KMT2C: variants seen among roughly 807,000 people sequenced by gnomAD.
KMT2C encodes the protein histone-lysine N-methyltransferase 2C.
In KMT2C, 88 loss-of-function variants were observed where a neutral mutation model predicts 507.9. That is an observed-to-expected ratio of 0.17 (90% CI 0.15 to 0.21). The LOEUF (loss-of-function observed/expected upper bound fraction) is 0.21. Ranked by LOEUF, KMT2C falls within the 10% of genes least tolerant of loss-of-function variation. The pLI is 1.00. For synonymous variants in KMT2C, 2,049 were observed against 2,080.8 expected (o/e 0.98, Z 0.42); for missense variants, 4,954 against 5,957.8 (o/e 0.83, Z 5.55).
intron 1 of KMT2C, among the ~76,000 whole-genome samples, chr7:152,389,883 A>C (rs543326487): frequency 6.6e-6 from 1 of 152,234 alleles, no homozygotes; most frequent in Non-Finnish European, 1.5e-5. Flanking sequence ...GAATGGAATC[A>C]TGTCCTTCGC....
intron 2 of KMT2C, among the ~76,000 whole-genome samples, chr7:152,338,639 G>C (rs943472103): frequency 1.3e-5 from 2 of 152,078 alleles, no homozygotes; most frequent in African/African-American, 4.8e-5. Flanking sequence ...AAAAGATAAG[G>C]AAACTAAAAT....
chr7:152,175,728 G>A (rs537094834), intron 38 of KMT2C, among the ~76,000 whole-genome samples: 1 of 152,274 alleles, frequency 6.6e-6, no homozygotes, highest in East Asian at 1.9e-4. Context: ...ACTGTGCCCA[G>A]CCAACTGCTT....
rs371660708 is a variant in KMT2C, at chr7:152,311,763, T to A, written c.739+35A>T. The A allele has an allele frequency of 2.3e-5, 35 of 1,492,276 alleles. No homozygotes were observed. The African/African-American group carries it at 3.5e-4, about 15-fold the overall frequency. The allele number at this position is 1,492,276 out of a possible 1,614,324, so 92.4% of individuals were successfully genotyped here. On this transcript the variant is annotated intron_variant, in intron 5 of 58. Coordinates refer to ENST00000262189, the MANE Select transcript of KMT2C (RefSeq NM_170606.3). ...TATTAAAATTAAAATGCTTCCAGAA[T>A]TAAGAGGCAGTCATTATTGAAAACA...
chr7:152,209,005 C>T (rs1356656659), intron 23 of KMT2C, among the ~76,000 whole-genome samples: 1 of 151,248 alleles, frequency 6.6e-6, no homozygotes, highest in Non-Finnish European at 1.5e-5. Flanking sequence ...ACTAAAAATA[C>T]AAAATTATCT....
chr7:152,416,692 C>T (rs1340245164), intron 1 of KMT2C, among the ~76,000 whole-genome samples: 1 of 150,432 alleles, frequency 6.6e-6, no homozygotes, highest in Admixed American at 6.6e-5. Flanking sequence ...CCACTGCACT[C>T]CAGCCTGGGT....
intron 40 of KMT2C, among the ~76,000 whole-genome samples, chr7:152,170,828 A>G (rs1406989318): frequency 6.6e-6 from 1 of 152,140 alleles, no homozygotes; most frequent in Non-Finnish European, 1.5e-5. Flanking sequence ...GAAGTTTTAC[A>G]TTTTAAATAT....
At chr7:152,335,879 A>G (rs534928046) in intron 2 of KMT2C, among the ~76,000 whole-genome samples, 34 of 152,140 alleles carry the variant, frequency 2.2e-4, no homozygotes, top group Non-Finnish European at 4.4e-4. Context: ...CTGCATTTCA[A>G]AGAGAAAAAA....
At chr7:152,150,337 G>A (rs761193330) in intron 51 of KMT2C, among the ~76,000 whole-genome samples, 10 of 152,062 alleles carry the variant, frequency 6.6e-5, no homozygotes, top group African/African-American at 2.2e-4. Context: ...AGATATTTAC[G>A]GCCGGGCGCA....
At chr7:152,141,567 G>A (rs2090548563) in intron 55 of KMT2C, among the ~76,000 whole-genome samples, 1 of 150,386 alleles carries the variant, frequency 6.6e-6, no homozygotes, top group Admixed American at 6.6e-5. Flanking sequence ...AAAAAAATTA[G>A]CCGGGCATGG....
rs760321633 is a variant in KMT2C, at chr7:152,159,022, C to T, written c.11511G>A (p.Leu3837=). 8 of 1,614,216 alleles carry T rather than the reference C, an allele frequency of 5.0e-6. 1 individual carries two copies. In the South Asian group the frequency reaches 8.8e-5, roughly 18 times the overall value. Residue 3837 remains leucine (L), a synonymous_variant, in exon 44 of 59, where the codon TTG becomes TTA. Coordinates refer to ENST00000262189, the MANE Select transcript of KMT2C (RefSeq NM_170606.3). ...TTTCACTTCCTCCATCTGTTTTTGG[C>T]AACTGGTTGCCACATCCAAAACCAC... ...MQGGFGCGNQ[L]PKTDGGSETK... is the part of the protein sequence containing the mutation.
At chr7:152,336,281 TC>T (rs1182882059) in intron 2 of KMT2C, among the ~76,000 whole-genome samples, 1 of 152,192 alleles carries the variant, frequency 6.6e-6, no homozygotes, top group Non-Finnish European at 1.5e-5. Flanking sequence ...CTGTCACTCT[TC>T]ATTTGGTAGA....
At chr7:152,261,575 T>C (rs2095778425) in intron 9 of KMT2C, among the ~76,000 whole-genome samples, 1 of 152,124 alleles carries the variant, frequency 6.6e-6, no homozygotes. Flanking sequence ...TTAACATACT[T>C]CAGCACAACT....
At chr7:152,319,806 G>A (rs1163125017) in intron 3 of KMT2C, among the ~76,000 whole-genome samples, 1 of 152,072 alleles carries the variant, frequency 6.6e-6, no homozygotes, top group Non-Finnish European at 1.5e-5. Context: ...CAGAAATAAT[G>A]GCATAAGCTC....
chr7:152,298,380 A>T (rs575896865), intron 6 of KMT2C, among the ~76,000 whole-genome samples: 25 of 152,312 alleles, frequency 1.6e-4, no homozygotes, highest in Non-Finnish European at 3.4e-4. Flanking sequence ...AAAATCAGGG[A>T]TATATTATTA....
rs2097171947 is a variant in KMT2C at position 152,358,680 on chromosome 7, A to AG, written c.162-6dup. The AG allele has an allele frequency of 1.9e-6, 3 of 1,555,494 alleles. No homozygotes were observed. The African/African-American group carries it at 4.1e-5, about 21-fold the overall frequency. On this transcript the variant is annotated splice_region_variant and splice_polypyrimidine_tract_variant and intron_variant, in intron 1 of 58. Transcript: ENST00000262189. The stretch of plus-strand genomic sequence containing the variant: ...GTTTTCCCCCTACTTCGAGGTCTAC[A>AG]GAAAAAAAAAAAAATAATAAGTACA...
rs1266143858 is a variant in KMT2C at position 152,163,291 on chromosome 7, A to G, written c.10286T>C (p.Met3429Thr). ...CACCATACCATGCTGCTCCATTTCC[A>G]TCCTCTGCTGCAAAGCTCTTTGTCT... Reference protein sequence around the residue: ...VDRQRALQQRMEMEQHGMVGS... With the variant: ...VDRQRALQQRTEMEQHGMVGS... The change falls in exon 43 of 59, where the codon ATG becomes ACG. Residue 3429 changes from methionine to threonine, a missense_variant. Physicochemically the swap from Met to Thr is moderately conservative, Grantham distance 81. This residue lies in a region of KMT2C where 801 missense variants were observed against 751.2 expected (regional missense o/e 1.07). Transcript: ENST00000262189. 3 of 1,613,960 alleles carry G rather than the reference A, an allele frequency of 1.9e-6. No homozygotes were observed. The highest frequency in any genetic ancestry group is 4.5e-5 in the East Asian group (2 of 44,878).
chr7:152,209,280 C>A (rs1200722662), intron 23 of KMT2C, among the ~76,000 whole-genome samples: 5 of 151,246 alleles, frequency 3.3e-5, no homozygotes, highest in Non-Finnish European at 1.5e-5. Flanking sequence ...CACAGTGAAA[C>A]CCTGTCTCTA....
chr7:152,197,970 TTC>T (rs2094014004), intron 27 of KMT2C, among the ~76,000 whole-genome samples: 1 of 152,170 alleles, frequency 6.6e-6, no homozygotes, highest in Non-Finnish European at 1.5e-5. Context: ...TTCCTATATG[TTC>T]TCTGTCCAAT....
rs2089814604 is a variant in KMT2C at position 152,135,617 on chromosome 7, C to A, written c.*1215G>T. On this transcript the variant is annotated 3_prime_UTR_variant, in exon 59 of 59. Transcript: ENST00000262189. ...ATTACGTTTACATGATTCTCTGTGG[C>A]TGAAACAAAGTTCTAATCAAAACTA... 4.4e-6 allele frequency: 1 copy of A among 226,162 alleles called. No individual in the cohort carries two copies. Among genetic ancestry groups the A allele is most frequent in the African/African-American group, 2.2e-5 (1 of 44,784 alleles). The allele number at this position is 226,162 out of a possible 1,614,324, so 14.0% of individuals were successfully genotyped here. A position where few individuals can be genotyped will look rare whatever the true frequency, so the allele number is the denominator to read the frequency against.
Sources: allele counts gnomAD v4.1 joint callset (sites outside exome capture counted in the v4.1 genomes callset), GRCh38; gene constraint gnomAD v4.1.1; regional missense constraint gnomAD v4.1.1; transcripts MANE v1.5; gene names NCBI Gene and HGNC (gene_info 2026-07-23, HGNC 2026-07-21).